The following SASH1 variants were observed in gnomAD, a reference collection of about 807,000 sequenced individuals.
SASH1 encodes the protein SAM and SH3 domain-containing protein 1.
Under a neutral mutation model 125.2 loss-of-function variants are expected in SASH1, and 44 were observed. That is an observed-to-expected ratio of 0.35 (90% CI 0.28 to 0.45). SASH1 has a LOEUF of 0.45. Ranked by LOEUF, SASH1 falls within the 20% of genes least tolerant of loss-of-function variation. The pLI, the probability that SASH1 is intolerant of heterozygous loss-of-function variation, is 1.00. For missense variants in SASH1, 1,426 were observed against 1,614.5 expected (o/e 0.88, Z 2.00); for synonymous variants, 639 against 649.1 (o/e 0.98, Z 0.24).
At chr6:148,346,386 A>G (rs969951694) in intron 1 of SASH1, among the ~76,000 whole-genome samples, 2 of 152,200 alleles carry the variant, frequency 1.3e-5, no homozygotes, top group Non-Finnish European at 2.9e-5. Flanking sequence ...AAGAAATAAT[A>G]GTATAATTTA....
intron 2 of SASH1, among the ~76,000 whole-genome samples, chr6:148,413,571 G>GT (rs1262057745): frequency 1.3e-5 from 2 of 152,210 alleles, no homozygotes; most frequent in African/African-American, 4.8e-5. Flanking sequence ...AAGAGAAGCG[G>GT]TAGGAGTGAA....
At chr6:148,371,615 C>T (rs894406415) in intron 1 of SASH1, among the ~76,000 whole-genome samples, 1 of 151,934 alleles carries the variant, frequency 6.6e-6, no homozygotes, top group Non-Finnish European at 1.5e-5. Context: ...TGTCAGGTCC[C>T]CACTGCCACT....
chr6:148,200,638 T>C, the SASH1 span, among the ~76,000 whole-genome samples: 2 of 152,248 alleles, frequency 1.3e-5, no homozygotes, highest in Non-Finnish European at 2.9e-5. Context: ...GTTATTTTAA[T>C]GAAAGAATTC....
intron 1 of SASH1, among the ~76,000 whole-genome samples, chr6:148,279,135 G>A (rs1186699771): frequency 6.6e-6 from 1 of 152,058 alleles, no homozygotes; most frequent in Admixed American, 6.6e-5. Context: ...GGGACTACAG[G>A]CGCATGCTGC....
At chr6:148,240,919 C>T in the SASH1 span, among the ~76,000 whole-genome samples, 1 of 152,116 alleles carries the variant, frequency 6.6e-6, no homozygotes, top group South Asian at 2.1e-4. Flanking sequence ...GGCTTCAGAC[C>T]TCTAGGCAGG....
At chr6:148,229,606 A>C in the SASH1 span, among the ~76,000 whole-genome samples, 1 of 152,154 alleles carries the variant, frequency 6.6e-6, no homozygotes, top group Non-Finnish European at 1.5e-5. Flanking sequence ...AAACAGCTTT[A>C]TTGAGATATA....
chr6:148,449,084 T>TTTTTC (rs1776961352), intron 4 of SASH1, among the ~76,000 whole-genome samples: 1 of 42,732 alleles, frequency 2.3e-5, no homozygotes, highest in African/African-American at 1.2e-4. Context: ...ATTTCTTTTT[T>TTTTTC]TTTTTTTTTG....
At chr6:148,408,982 C>T (rs564444787) in intron 2 of SASH1, among the ~76,000 whole-genome samples, 1 of 152,332 alleles carries the variant, frequency 6.6e-6, no homozygotes, top group East Asian at 1.9e-4. Context: ...ACTTGTCACT[C>T]GGCTACATTC....
chr6:148,230,020 T>C, the SASH1 span, among the ~76,000 whole-genome samples: 2 of 152,044 alleles, frequency 1.3e-5, no homozygotes, highest in South Asian at 4.2e-4. Flanking sequence ...CCAGCACTTT[T>C]ATCATCTATA....
intron 1 of SASH1, among the ~76,000 whole-genome samples, chr6:148,273,182 C>T (rs1779104555): frequency 6.6e-6 from 1 of 152,046 alleles, no homozygotes; most frequent in Non-Finnish European, 1.5e-5. Flanking sequence ...ATCTCTTGAG[C>T]CCAGGATTTC....
At chr6:148,478,313 G>A (rs1244165701) in intron 7 of SASH1, among the ~76,000 whole-genome samples, 1 of 152,202 alleles carries the variant, frequency 6.6e-6, no homozygotes, top group East Asian at 1.9e-4. Context: ...AGAAAATGTG[G>A]TACATATACA....
chr6:148,423,954 C>T (rs143185732), intron 2 of SASH1, among the ~76,000 whole-genome samples: 140 of 151,744 alleles, frequency 9.2e-4, no homozygotes, highest in African/African-American at 3.3e-3. Context: ...AATGATTACA[C>T]TCCAATCAAG....
At chr6:148,208,758 C>T in the SASH1 span, among the ~76,000 whole-genome samples, 2 of 152,138 alleles carry the variant, frequency 1.3e-5, no homozygotes, top group African/African-American at 4.8e-5. Context: ...ATAGGCCAAA[C>T]TTTGCCTATT....
the SASH1 span, among the ~76,000 whole-genome samples, chr6:148,248,763 C>T: frequency 6.6e-6 from 1 of 152,208 alleles, no homozygotes; most frequent in East Asian, 1.9e-4. Flanking sequence ...TGATTTGTAG[C>T]TGTGTTTCCC....
chr6:148,447,548 A>G (rs532870814), intron 4 of SASH1, among the ~76,000 whole-genome samples: 5 of 151,112 alleles, frequency 3.3e-5, no homozygotes, highest in Non-Finnish European at 5.9e-5. Flanking sequence ...AGTCCCTCCA[A>G]CTCCCTGCTT....
chr6:148,421,193 G>GAAAGAAAGAAAGAA (rs1785077972), intron 2 of SASH1, among the ~76,000 whole-genome samples: 1 of 142,542 alleles, frequency 7.0e-6, no homozygotes, highest in African/African-American at 2.6e-5. Context: ...AAGAAAGAAA[G>GAAAGAAAGAAAGAA]AAAGAAAGAA....
intron 2 of SASH1, chr6:148,393,636 A>G (rs1307511003): frequency 2.4e-6 from 2 of 848,748 alleles, no homozygotes; most frequent in East Asian, 1.2e-4. Flanking sequence ...TATTATTTAG[A>G]TAATAAAACC....
At chr6:148,448,234 A>T (rs1776902981) in intron 4 of SASH1, among the ~76,000 whole-genome samples, 2 of 152,124 alleles carry the variant, frequency 1.3e-5, no homozygotes, top group African/African-American at 4.8e-5. Flanking sequence ...CACAGAAGAT[A>T]TTCCATAATG....
chr6:148,226,657 C>T, the SASH1 span, among the ~76,000 whole-genome samples: 1 of 152,164 alleles, frequency 6.6e-6, no homozygotes, highest in South Asian at 2.1e-4. Flanking sequence ...TCTGTGCCTT[C>T]GAGGACACGT....
Sources: gnomAD v4.1 joint callset for allele counts (sites outside exome capture counted in the v4.1 genomes callset) on GRCh38, gnomAD v4.1.1 for gene constraint, MANE v1.5 for transcripts, NCBI Gene and HGNC (gene_info 2026-07-23, HGNC 2026-07-21) for gene names.